PIGX: variants seen among roughly 807,000 people sequenced by gnomAD.
PIGX encodes the protein phosphatidylinositol glycan anchor biosynthesis class X, also known as GPI alpha-1,4-mannosyltransferase I, stabilizing subunit.
Under a neutral mutation model 28.7 loss-of-function variants are expected in PIGX, and 24 were observed. That is an observed-to-expected ratio of 0.84 (90% CI 0.60 to 1.17). The LOEUF is 1.17. PIGX is among the 50% of genes most tolerant of loss of function. The pLI, the probability that PIGX is intolerant of heterozygous loss-of-function variation, is 0.00. For synonymous variants in PIGX, 127 were observed against 121.0 expected, an observed-to-expected ratio of 1.05 and a Z score of -0.33; for missense variants, 305 against 317.8, an observed-to-expected ratio of 0.96 and a Z score of 0.31.
At chr3:196,727,895 G>T in intron 3 of PIGX, 28 bp from the exon 4 acceptor site, 1 of 1,427,562 alleles carries the variant, frequency 7.0e-7, no homozygotes, top group Non-Finnish European at 9.8e-7. Flanking sequence ...ATTTCTTCTT[G>T]ATTAATATTT....
chr3:196,723,633 T>A (rs994570976), intron 3 of PIGX, among the ~76,000 whole-genome samples: 23 of 150,330 alleles, frequency 1.5e-4, no homozygotes, highest in African/African-American at 5.4e-4. Flanking sequence ...TTTTTTTTTT[T>A]AATTATTGTG....
At chr3:196,719,596 A>T (rs1380475584) in intron 2 of PIGX, among the ~76,000 whole-genome samples, 1 of 152,144 alleles carries the variant, frequency 6.6e-6, no homozygotes, top group Non-Finnish European at 1.5e-5. Flanking sequence ...ATTTTATTCC[A>T]TGTCACAGAT....
chr3:196,729,087 A>G lies in PIGX; in HGVS notation c.532+951A>G, dbSNP rs554771885. Reference sequence around the variant, plus strand: ...GGTGGCTCACGCCTGTAACCCCAGCACTTTGGGAGGCCGAGGCGGGTGGAT... The same window carrying G: ...GGTGGCTCACGCCTGTAACCCCAGCGCTTTGGGAGGCCGAGGCGGGTGGAT... On this transcript the variant is annotated intron_variant, in intron 4 of 5. Transcript: ENST00000392391. 2.5e-3 allele frequency among the ~76,000 whole-genome samples: 388 copies of G among 152,228 alleles called. 1 individual carries two copies. Among genetic ancestry groups the G allele is most frequent in the African/African-American group, 9.0e-3 (375 of 41,566 alleles).
At position 196,732,251 on chromosome 3, in the gene PIGX, TATATA is replaced by T. The variant is rs1416034208; in HGVS notation, c.633+1160_633+1164del. On this transcript the variant is annotated intron_variant, in intron 5 of 5. Coordinates refer to ENST00000392391, the MANE Select transcript of PIGX (RefSeq NM_017861.4). Reference sequence around the variant, plus strand: ...ATATATATATATATATATATATATATATATATTTTATTTTATTTTATTTTTTTTTT... The same window carrying T: ...ATATATATATATATATATATATATATTTTTATTTTATTTTATTTTTTTTTT... Among the ~76,000 whole-genome samples the T allele has an allele frequency of 2.3e-3, 86 of 37,640 alleles. 3 individuals are homozygous for T. Among genetic ancestry groups the T allele is most frequent in the African/African-American group, 0.01 (67 of 6,386 alleles). The allele number at this position is 37,640 out of a possible 152,430, so 24.7% of individuals were successfully genotyped here.
At chr3:196,728,846 CT>C in intron 4 of PIGX, 1 of 732,794 alleles carries the variant, frequency 1.4e-6, no homozygotes, top group African/African-American at 1.7e-5. Context: ...CACATTACCC[CT>C]CTGTTGCTTT....
intron 3 of PIGX, among the ~76,000 whole-genome samples, chr3:196,724,209 T>C (rs1483991882): frequency 6.6e-6 from 1 of 152,010 alleles, no homozygotes; most frequent in Non-Finnish European, 1.5e-5. Flanking sequence ...GAGGTGGGGT[T>C]TCACAATGTT....
At position 196,722,447 on chromosome 3, in the gene PIGX, G is replaced by A. The variant is rs1437359979; in HGVS notation, c.209G>A (p.Ser70Asn). 2 of 1,612,526 alleles carry A rather than the reference G, an allele frequency of 1.2e-6. No homozygotes were observed. The highest frequency in any genetic ancestry group is 1.3e-5 in the African/African-American group (1 of 75,030). Residue 70 changes from serine (S) to asparagine (N), a missense_variant, in exon 3 of 6, where the codon AGC (serine) becomes AAC (asparagine). Transcript: ENST00000392391. The stretch of plus-strand genomic sequence containing the variant: ...TTAATCAAAGTGAAGTTTGGGGAAA[G>A]CATTGAGGACTTGCACACCTGCCGT...
At chr3:196,717,145 A>T (rs1353464713) in intron 2 of PIGX, among the ~76,000 whole-genome samples, 1 of 151,988 alleles carries the variant, frequency 6.6e-6, no homozygotes, top group Non-Finnish European at 1.5e-5. Flanking sequence ...CTAAAAATAC[A>T]AAAATTAGTT....
At position 196,719,186 on chromosome 3, in the gene PIGX, G is replaced by GT. The variant is rs1712212495; in HGVS notation, c.176+2268dup. On this transcript the variant is annotated intron_variant, in intron 2 of 5. Coordinates refer to ENST00000392391, the MANE Select transcript of PIGX (RefSeq NM_017861.4). ...GCATTCTAATTGGAGTGATTAGACC[G>GT]TTTATTTTTAATGTAAATATTAATA... 2.0e-5 allele frequency among the ~76,000 whole-genome samples: 3 copies of GT among 151,946 alleles called. No homozygotes were observed. In the South Asian group the frequency reaches 6.2e-4, roughly 31 times the overall value.
At position 196,734,998 on chromosome 3, in the gene PIGX, A is replaced by G. The variant is rs918437490; in HGVS notation, c.*1096A>G. 2.0e-5 allele frequency: 3 copies of G among 152,170 alleles called. No individual in the cohort carries two copies. Among genetic ancestry groups the G allele is most frequent in the African/African-American group, 7.2e-5 (3 of 41,434 alleles). The allele number at this position is 152,170 out of a possible 1,614,324, so 9.4% of individuals were successfully genotyped here. A position where few individuals can be genotyped will look rare whatever the true frequency, so the allele number is the denominator to read the frequency against. The stretch of plus-strand genomic sequence containing the variant: ...ATAAAGTAAGTGCCATAGGCTAATT[A>G]AAAAATAAAACCTTGGCCGGGCGCG... On this transcript the variant is annotated 3_prime_UTR_variant, in exon 6 of 6. Transcript: ENST00000392391.
chr3:196,714,338 C>T (rs890002204), intron 1 of PIGX, among the ~76,000 whole-genome samples: 33 of 152,268 alleles, frequency 2.2e-4, no homozygotes, highest in Admixed American at 1.8e-3. Flanking sequence ...GTGGCGTGGG[C>T]CTATAATCCT....
At position 196,734,087 on chromosome 3, in the gene PIGX, C is replaced by A. The variant is rs927055799; in HGVS notation, c.*185C>A. 1.5e-5 allele frequency: 7 copies of A among 481,788 alleles called. No individual in the cohort carries two copies. The highest frequency in any genetic ancestry group is 2.6e-5 in the Non-Finnish European group (7 of 272,250). The allele number at this position is 481,788 out of a possible 1,614,324, so 29.8% of individuals were successfully genotyped here. ...AAATGTAGTGCTCTATTGCATGGAT[C>A]CTTGGTAATCCTCAAGCATCAGATG... On this transcript the variant is annotated 3_prime_UTR_variant, in exon 6 of 6. Coordinates refer to ENST00000392391, the MANE Select transcript of PIGX (RefSeq NM_017861.4).
At position 196,712,481 on chromosome 3, in the gene PIGX, G is replaced by A. The variant is rs145199963; in HGVS notation, c.-52G>A. ...GCTGCGGGCGGCCAGGCCCCTTCCT[G>A]CGTCCGCACCTGGCCCCGCGCGCCC... On this transcript the variant is annotated 5_prime_UTR_variant, in exon 1 of 6. Coordinates refer to ENST00000392391, the MANE Select transcript of PIGX (RefSeq NM_017861.4). The A allele has an allele frequency of 1.0e-3, 914 of 908,448 alleles. 7 individuals carry two copies. The South Asian group carries it at 0.011, about 11-fold the overall frequency. 56.3% of individuals were successfully genotyped at this position (908,448 alleles called of 1,614,324 possible). A position where few individuals can be genotyped will look rare whatever the true frequency, so the allele number is the denominator to read the frequency against.
intron 2 of PIGX, chr3:196,717,729 C>G (rs1206226361): frequency 1.3e-5 from 2 of 152,184 alleles, no homozygotes; most frequent in African/African-American, 4.8e-5. Flanking sequence ...AGAGCTCTGA[C>G]TCTAGCTTAG....
At chr3:196,717,439 C>T (rs1444524790) in intron 2 of PIGX, among the ~76,000 whole-genome samples, 1 of 152,126 alleles carries the variant, frequency 6.6e-6, no homozygotes, top group East Asian at 1.9e-4. Context: ...GTACAGTTGT[C>T]CCTTGGTATC....
rs550784646 is a variant in PIGX, at chr3:196,717,841, A to G, written c.176+920A>G. ...TAAATGACCAAGCTGTTTCCAAAAA[A>G]GAAATTATCTTCAAAAGATGAATAT... On this transcript the variant is annotated intron_variant, in intron 2 of 5. Coordinates refer to ENST00000392391, the MANE Select transcript of PIGX (RefSeq NM_017861.4). The G allele has an allele frequency of 1.7e-4, 26 of 152,324 alleles. No individual in the cohort carries two copies. In the East Asian group the frequency reaches 4.1e-3, roughly 24 times the overall value. The allele number at this position is 152,324 out of a possible 1,614,324, so 9.4% of individuals were successfully genotyped here.
At chr3:196,731,181 ATT>A (rs773730665) in intron 5 of PIGX, 89 bp downstream of exon 5, 9,344 of 467,532 alleles carry the variant, frequency 0.02, no homozygotes, top group South Asian at 0.03. Flanking sequence ...AGAGATTAGC[ATT>A]TTTTTTTTTT....
At chr3:196,732,374 C>T (rs1050528492) in intron 5 of PIGX, among the ~76,000 whole-genome samples, 7 of 147,672 alleles carry the variant, frequency 4.7e-5, no homozygotes, top group African/African-American at 1.5e-4. Flanking sequence ...CTCCGCCTCC[C>T]GGGTTCAAGT....
intron 3 of PIGX, among the ~76,000 whole-genome samples, chr3:196,723,213 C>T (rs771554744): frequency 6.6e-6 from 1 of 152,066 alleles, no homozygotes; most frequent in Non-Finnish European, 1.5e-5. Flanking sequence ...TGGTGGTGGG[C>T]GCCTGTAATC....
Sources: allele counts gnomAD v4.1 joint callset (sites outside exome capture counted in the v4.1 genomes callset), GRCh38; gene constraint gnomAD v4.1.1; transcripts MANE v1.5; gene names NCBI Gene and HGNC (gene_info 2026-07-23, HGNC 2026-07-21).